Variants in FAM163A observed in about 807,000 individuals in gnomAD.
The protein encoded by FAM163A is family with sequence similarity 163 member A.
FAM163A carries 7 observed loss-of-function variants against 12.0 expected under a neutral mutation model. The observed-to-expected ratio is 0.58, with a 90% CI of 0.33 to 1.10. FAM163A has a LOEUF of 1.10. FAM163A is among the 50% of genes least tolerant of loss of function. The pLI is 0.03. For missense variants in FAM163A, 202 were observed against 218.6 expected (o/e 0.92, Z 0.48); for synonymous variants, 101 against 91.0 (o/e 1.11, Z -0.62).
At chr1:179,767,998 T>C (rs1490128237) in intron 1 of FAM163A, among the ~76,000 whole-genome samples, 2 of 152,082 alleles carry the variant, frequency 1.3e-5, no homozygotes, top group Non-Finnish European at 2.9e-5. Context: ...AACACTAATC[T>C]CCCCTCTCCC....
chr1:179,742,750 T>A (rs1479700887), upstream of FAM163A: 1 of 152,328 alleles, frequency 6.6e-6, no homozygotes. Flanking sequence ...TTCTCTCCCT[T>A]CCTGCCTCTT....
At chr1:179,805,714 C>T (rs768617600) in intron 1 of FAM163A, among the ~76,000 whole-genome samples, 17 of 152,222 alleles carry the variant, frequency 1.1e-4, no homozygotes, top group Non-Finnish European at 2.1e-4. Context: ...TCTTCCCTAC[C>T]ACCCGCCCAG....
chr1:179,813,018 C>T (rs925891404), intron 3 of FAM163A, 58 bp from the exon 4 acceptor site: 22 of 1,489,708 alleles, frequency 1.5e-5, no homozygotes, highest in Admixed American at 2.0e-5. Context: ...AGACTCCCCC[C>T]GGCCCAGCCC....
At chr1:179,801,530 A>C (rs1038091976) in intron 1 of FAM163A, among the ~76,000 whole-genome samples, 3 of 152,136 alleles carry the variant, frequency 2.0e-5, no homozygotes, top group African/African-American at 7.2e-5. Context: ...TGTGATTTTA[A>C]AGATCACCCT....
intron 1 of FAM163A, among the ~76,000 whole-genome samples, chr1:179,807,157 A>G (rs150950782): frequency 5.3e-4 from 81 of 151,974 alleles, no homozygotes; most frequent in African/African-American, 1.5e-3. Flanking sequence ...CAAATGAAAC[A>G]ATGTAAAGAG....
At chr1:179,731,872 A>C in the FAM163A span, among the ~76,000 whole-genome samples, 1 of 152,364 alleles carries the variant, frequency 6.6e-6, no homozygotes, top group South Asian at 2.1e-4. Context: ...CATCCTTGAA[A>C]GCAAAGTGAG....
intron 1 of FAM163A, among the ~76,000 whole-genome samples, chr1:179,758,619 C>G (rs1686362591): frequency 6.6e-6 from 1 of 152,246 alleles, no homozygotes; most frequent in South Asian, 2.1e-4. Flanking sequence ...TTTCCTTCTT[C>G]CACTCCCTAG....
At chr1:179,804,922 T>G (rs1469743466) in intron 1 of FAM163A, among the ~76,000 whole-genome samples, 2 of 152,230 alleles carry the variant, frequency 1.3e-5, no homozygotes, top group East Asian at 3.8e-4. Flanking sequence ...TTGACCTGTG[T>G]GACAAACCTG....
At position 179,813,097 on chromosome 1, in the gene FAM163A, G is replaced by A. The variant is rs1046465961; in HGVS notation, c.-1G>A. On this transcript the variant is annotated 5_prime_UTR_variant, in exon 4 of 5. Coordinates refer to ENST00000341785, the MANE Select transcript of FAM163A (RefSeq NM_173509.3). The stretch of plus-strand genomic sequence containing the variant: ...GCAGAGTTTGATGGGGCGCCGGGCG[G>A]ATGACAGCGGGAACGGTTGTGATCA... 9.7e-6 allele frequency: 15 copies of A among 1,551,638 alleles called. No individual in the cohort carries two copies. The highest frequency in any genetic ancestry group is 1.4e-5 in the African/African-American group (1 of 73,066).
intron 1 of FAM163A, among the ~76,000 whole-genome samples, chr1:179,797,467 T>G (rs1692491721): frequency 1.3e-5 from 2 of 151,780 alleles, no homozygotes. Flanking sequence ...AAAAGGGAAA[T>G]AAGACTTGTC....
intron 2 of FAM163A, among the ~76,000 whole-genome samples, chr1:179,808,141 G>A (rs1694206441): frequency 6.6e-6 from 1 of 152,238 alleles, no homozygotes; most frequent in Non-Finnish European, 1.5e-5. Context: ...CACCTCAGGA[G>A]GCAGCTGGTG....
chr1:179,803,003 A>G (rs1006395864), intron 1 of FAM163A, among the ~76,000 whole-genome samples: 1 of 152,176 alleles, frequency 6.6e-6, no homozygotes, highest in East Asian at 1.9e-4. Context: ...AAGAGAACCC[A>G]TGTAGTCACC....
At chr1:179,758,794 G>A (rs1217322921) in intron 1 of FAM163A, among the ~76,000 whole-genome samples, 1 of 152,188 alleles carries the variant, frequency 6.6e-6, no homozygotes, top group Non-Finnish European at 1.5e-5. Context: ...CCCTGGGGCT[G>A]CCTCAGCCCC....
intron 1 of FAM163A, among the ~76,000 whole-genome samples, chr1:179,793,786 C>T (rs1006643779): frequency 1.3e-5 from 2 of 152,196 alleles, no homozygotes; most frequent in African/African-American, 4.8e-5. Flanking sequence ...ATCTGGAGGC[C>T]CCGTTGCTGT....
intron 2 of FAM163A, among the ~76,000 whole-genome samples, chr1:179,809,825 G>C (rs1313218842): frequency 6.6e-6 from 1 of 152,182 alleles, no homozygotes; most frequent in Non-Finnish European, 1.5e-5. Context: ...AGGGGATGAA[G>C]TGGTGCTGTA....
In FAM163A at chr1:179,813,208, G is replaced by A. The variant is rs369899549; in HGVS notation, c.93+18G>A. On this transcript the variant is annotated intron_variant, in intron 4 of 4. Coordinates refer to ENST00000341785, the MANE Select transcript of FAM163A (RefSeq NM_173509.3). ...GGCTCCAGGTCAGTCCCCGGGACCC[G>A]TAGCCAGAGGCTGCCAGGCCACCAG... 105 of 1,549,418 alleles carry A rather than the reference G, an allele frequency of 6.8e-5. No homozygotes were observed. The highest frequency in any genetic ancestry group is 8.3e-5 in the Non-Finnish European group (95 of 1,145,218).
intron 1 of FAM163A, among the ~76,000 whole-genome samples, chr1:179,804,537 A>G (rs1693649367): frequency 6.6e-6 from 1 of 152,252 alleles, no homozygotes; most frequent in Non-Finnish European, 1.5e-5. Flanking sequence ...TACAATAGCA[A>G]AGACATGGAA....
At chr1:179,773,488 G>A (rs1211962275) in intron 1 of FAM163A, among the ~76,000 whole-genome samples, 1 of 152,192 alleles carries the variant, frequency 6.6e-6, no homozygotes, top group African/African-American at 2.4e-5. Context: ...ACTGGGTGAG[G>A]AGTATATGGG....
chr1:179,743,738 G>A (rs1322319541), intron 1 of FAM163A, among the ~76,000 whole-genome samples: 1 of 152,180 alleles, frequency 6.6e-6, no homozygotes, highest in Non-Finnish European at 1.5e-5. Context: ...ACCGCGGGTG[G>A]CGGTGCTCGC....
Sources: allele counts gnomAD v4.1 joint callset (sites outside exome capture counted in the v4.1 genomes callset), GRCh38; gene constraint gnomAD v4.1.1; transcripts MANE v1.5; gene names NCBI Gene and HGNC (gene_info 2026-07-23, HGNC 2026-07-21).